Variants in VAV2 observed in about 807,000 individuals in gnomAD.
The protein encoded by VAV2 is vav guanine nucleotide exchange factor 2, also known as guanine nucleotide exchange factor VAV2.
Under a neutral mutation model 132.5 loss-of-function variants are expected in VAV2, and 67 were observed. The observed-to-expected ratio is 0.51, with a 90% CI of 0.42 to 0.62. VAV2 has a LOEUF of 0.62. VAV2 is among the 20% of genes least tolerant of loss of function. The probability of loss-of-function intolerance (pLI) is 0.00; values close to 1 mark genes in which losing one functional copy is unlikely to be tolerated. For synonymous variants in VAV2, 492 were observed against 443.5 expected (o/e 1.11, Z -1.37); for missense variants, 938 against 1,153.6 (o/e 0.81, Z 2.71).
intron 1 of VAV2, among the ~76,000 whole-genome samples, chr9:133,979,680 C>T (rs1034458013): frequency 1.3e-5 from 2 of 152,236 alleles, no homozygotes; most frequent in African/African-American, 4.8e-5. Flanking sequence ...CCACCACTGA[C>T]CTCTGGCCCA....
In VAV2 at chr9:133,903,053, C is replaced by A. The variant is rs1221971847; in HGVS notation, c.321+36050G>T. ...TCAGGCCACTGCACTCCAGCCTGGGCAACAAGAGCGAAACCCTGCCCCAGG... is the reference window on the plus strand; with the variant it reads ...TCAGGCCACTGCACTCCAGCCTGGGAAACAAGAGCGAAACCCTGCCCCAGG... On this transcript the variant is annotated intron_variant, in intron 2 of 29. Transcript: ENST00000371850. Among the ~76,000 whole-genome samples the A allele has an allele frequency of 2.9e-5, 4 of 137,470 alleles. No individual in the cohort carries two copies. The East Asian group carries it at 8.3e-4, about 28-fold the overall frequency. 90.2% of individuals were successfully genotyped at this position (137,470 alleles called of 152,430 possible).
intron 3 of VAV2, among the ~76,000 whole-genome samples, chr9:133,841,769 A>G (rs918178477): frequency 1.3e-5 from 2 of 152,152 alleles, no homozygotes; most frequent in Admixed American, 1.3e-4. Flanking sequence ...AGTTTCCCCA[A>G]CTGCAGAATG....
rs1450675515 is a variant in VAV2 at position 133,928,123 on chromosome 9, C to T, written c.321+10980G>A. 6.6e-6 allele frequency among the ~76,000 whole-genome samples: 1 copy of T among 152,124 alleles called. No individual in the cohort carries two copies. Among genetic ancestry groups the T allele is most frequent in the Non-Finnish European group, 1.5e-5 (1 of 68,018 alleles). On this transcript the variant is annotated intron_variant, in intron 2 of 29. Coordinates refer to ENST00000371850, the MANE Select transcript of VAV2 (RefSeq NM_001134398.2). The surrounding 1 kb of genome is among the most constrained non-coding windows in gnomAD (Gnocchi z 5.4). ...GAAAGCAGAGAAAAACCTCTCCCAT[C>T]CCCAGTTATAAAACGGCGGGTCAGC...
At chr9:133,832,144 C>T (rs1000023000) in intron 4 of VAV2, among the ~76,000 whole-genome samples, 1 of 152,190 alleles carries the variant, frequency 6.6e-6, no homozygotes, top group Non-Finnish European at 1.5e-5. Flanking sequence ...CAGGGTCTGA[C>T]CCTCTGATAG....
At chr9:133,783,645 C>T in intron 18 of VAV2, 54 bp from the exon 19 acceptor site, 1 of 1,564,404 alleles carries the variant, frequency 6.4e-7, no homozygotes, top group Non-Finnish European at 8.8e-7. Context: ...CTCCTCATGC[C>T]TCTCTGCCAA....
chr9:133,937,898 A>T (rs531288156), intron 2 of VAV2, among the ~76,000 whole-genome samples: 82 of 152,310 alleles, frequency 5.4e-4, no homozygotes, highest in African/African-American at 2.0e-3. Flanking sequence ...TTACACAGAG[A>T]TGGGCTCATG....
intron 2 of VAV2, among the ~76,000 whole-genome samples, chr9:133,881,407 A>G (rs925932439): frequency 6.6e-6 from 1 of 152,188 alleles, no homozygotes; most frequent in Admixed American, 6.5e-5. Context: ...CCTGCATCCC[A>G]TCAGGGGCCT....
chr9:133,905,774 C>T (rs1423507785), intron 2 of VAV2, among the ~76,000 whole-genome samples: 3 of 152,032 alleles, frequency 2.0e-5, no homozygotes, highest in Non-Finnish European at 2.9e-5. Flanking sequence ...GTGACTCACA[C>T]GCCTGTAATC....
chr9:133,874,558 A>G (rs2131913196), intron 2 of VAV2, among the ~76,000 whole-genome samples: 1 of 152,336 alleles, frequency 6.6e-6, no homozygotes, highest in African/African-American at 2.4e-5. Context: ...AGAATCCCAC[A>G]GGAAGCTCAA....
chr9:133,910,973 G>T (rs924031397), intron 2 of VAV2, among the ~76,000 whole-genome samples: 2 of 152,096 alleles, frequency 1.3e-5, no homozygotes, highest in Non-Finnish European at 1.5e-5. Context: ...TATGGGTCAC[G>T]GCAGTGATGG....
At chr9:133,817,038 T>C (rs1257507517) in intron 4 of VAV2, among the ~76,000 whole-genome samples, 7 of 152,266 alleles carry the variant, frequency 4.6e-5, no homozygotes, top group Admixed American at 6.5e-5. Flanking sequence ...GCTGGGATCA[T>C]GGTAGACACT....
intron 2 of VAV2, among the ~76,000 whole-genome samples, chr9:133,887,278 G>C (rs1838749954): frequency 6.6e-6 from 1 of 152,194 alleles, no homozygotes. Context: ...GGAAGGGGCA[G>C]TGAGGGCCCC....
At chr9:133,947,481 C>A (rs1841402103) in intron 1 of VAV2, among the ~76,000 whole-genome samples, 1 of 152,086 alleles carries the variant, frequency 6.6e-6, no homozygotes, top group African/African-American at 2.4e-5. Flanking sequence ...GGGTGGATCA[C>A]CTGAGGTCAG....
rs188060075 is a variant in VAV2, at chr9:133,863,438, G to A, written c.322-2006C>T. 9.3e-4 allele frequency among the ~76,000 whole-genome samples: 136 copies of A among 146,534 alleles called. No homozygotes were observed. Among genetic ancestry groups the A allele is most frequent in the African/African-American group, 3.5e-3 (131 of 37,112 alleles). On this transcript the variant is annotated intron_variant, in intron 2 of 29. Transcript: ENST00000371850. The surrounding 1 kb of genome is among the most constrained non-coding windows in gnomAD (Gnocchi z 5.0). ...CGGGTCGTACAGATGGAACCGGGTCGTACAGATGGAACCGGAGACAGAGAG... is the reference window on the plus strand; with the variant it reads ...CGGGTCGTACAGATGGAACCGGGTCATACAGATGGAACCGGAGACAGAGAG...
intron 1 of VAV2, among the ~76,000 whole-genome samples, chr9:133,954,709 C>A (rs546476705): frequency 1.3e-5 from 2 of 152,292 alleles, no homozygotes; most frequent in East Asian, 3.9e-4. Flanking sequence ...GGTGCCCATG[C>A]ACATACATGT....
intron 18 of VAV2, among the ~76,000 whole-genome samples, chr9:133,784,035 C>T (rs1280908564): frequency 1.3e-5 from 2 of 152,210 alleles, no homozygotes; most frequent in Non-Finnish European, 2.9e-5. Context: ...AGCAGGCCAA[C>T]ACGCCTGGCT....
chr9:133,944,452 C>T (rs1271911505), intron 1 of VAV2, among the ~76,000 whole-genome samples: 1 of 152,214 alleles, frequency 6.6e-6, no homozygotes, highest in Non-Finnish European at 1.5e-5. Context: ...ACACAGGTGG[C>T]TTGGCCATCG....
Position 133,988,520 on chromosome 9 carries a change from G to C in VAV2, c.204+3555C>G, listed in dbSNP as rs140200484. 6.1e-3 allele frequency among the ~76,000 whole-genome samples: 932 copies of C among 152,306 alleles called. 7 individuals are homozygous for C. The highest frequency in any genetic ancestry group is 0.021 in the African/African-American group (858 of 41,558). On this transcript the variant is annotated intron_variant, in intron 1 of 29. Coordinates refer to ENST00000371850, the MANE Select transcript of VAV2 (RefSeq NM_001134398.2). Reference sequence around the variant, plus strand: ...CAGGCAGCAACCCCCACCTAGGCTTGTGCTTAGGCCACAGCAGGGCAGGTA... The same window carrying C: ...CAGGCAGCAACCCCCACCTAGGCTTCTGCTTAGGCCACAGCAGGGCAGGTA...
intron 1 of VAV2, among the ~76,000 whole-genome samples, chr9:133,963,538 T>C (rs1842032064): frequency 6.6e-6 from 1 of 152,140 alleles, no homozygotes; most frequent in Admixed American, 6.5e-5. Context: ...TATCCCTGTG[T>C]TGGGGGTAAC....
Sources: allele counts gnomAD v4.1 joint callset (sites outside exome capture counted in the v4.1 genomes callset), GRCh38; gene constraint gnomAD v4.1.1; non-coding constraint Gnocchi (gnomAD v3.1); transcripts MANE v1.5; gene names NCBI Gene and HGNC (gene_info 2026-07-23, HGNC 2026-07-21).